Variants in AHCY observed in about 807,000 individuals in gnomAD.
The protein encoded by AHCY is adenosylhomocysteinase, also known as S-adenosyl-L-homocysteine hydrolase.
Under a neutral mutation model 45.4 loss-of-function variants are expected in AHCY, and 24 were observed. The observed-to-expected ratio is 0.53, with a 90% CI of 0.38 to 0.74. AHCY has a LOEUF of 0.74. Ranked by LOEUF, AHCY falls within the 30% of genes least tolerant of loss-of-function variation. AHCY has a pLI of 0.00. For missense variants in AHCY, 449 were observed against 594.1 expected, an observed-to-expected ratio of 0.76 and a Z score of 2.54; for synonymous variants, 245 against 235.1, an observed-to-expected ratio of 1.04 and a Z score of -0.39.
the AHCY span, among the ~76,000 whole-genome samples, chr20:34,239,070 C>A: frequency 6.6e-6 from 1 of 152,164 alleles, no homozygotes; most frequent in African/African-American, 2.4e-5. Context: ...TTTAAGCCCC[C>A]AAAGACACCT....
the AHCY span, among the ~76,000 whole-genome samples, chr20:34,266,700 A>G: frequency 2.0e-5 from 3 of 152,178 alleles, no homozygotes; most frequent in African/African-American, 7.2e-5. Context: ...CAAACAAAAA[A>G]GGCAGATTAT....
the AHCY span, among the ~76,000 whole-genome samples, chr20:34,241,925 A>G: frequency 6.6e-6 from 1 of 152,196 alleles, no homozygotes; most frequent in Non-Finnish European, 1.5e-5. Flanking sequence ...TTCATTTCAT[A>G]TTTATTAGAG....
At position 34,282,106 on chromosome 20, in the gene AHCY, C is replaced by G. The variant is rs1010114739; in HGVS notation, c.1168-941G>C. ...GAGCCTAATCCCCACCGCCTCCCCC[C>G]ACCCCACCGAGTGATTCCTTTCTAA... On this transcript the variant is annotated intron_variant, in intron 9 of 9. Transcript: ENST00000217426. Among the ~76,000 whole-genome samples, 6 of 152,326 alleles carry G rather than the reference C, an allele frequency of 3.9e-5. No homozygotes were observed. In the East Asian group the frequency reaches 5.8e-4, roughly 15 times the overall value.
intron 1 of AHCY, among the ~76,000 whole-genome samples, chr20:34,309,869 G>A (rs1302972036): frequency 3.3e-5 from 5 of 150,976 alleles, no homozygotes; most frequent in African/African-American, 1.2e-4. Flanking sequence ...AAGGAGGGAG[G>A]GAGAAAAGGA....
At chr20:34,244,915 C>T in the AHCY span, among the ~76,000 whole-genome samples, 2 of 152,074 alleles carry the variant, frequency 1.3e-5, no homozygotes, top group South Asian at 2.1e-4. Context: ...AGCAAGGAGA[C>T]GTATTACTGG....
chr20:34,277,754 CAAAAAAAAAAAA>C (rs59920283), downstream of AHCY, among the ~76,000 whole-genome samples: 1 of 39,742 alleles, frequency 2.5e-5, no homozygotes, highest in Non-Finnish European at 5.7e-5. Context: ...GACTCCATCT[CAAAAAAAAAAAA>C]AAAAAAAAAA....
At chr20:34,282,235 A>T (rs948287525) in intron 9 of AHCY, among the ~76,000 whole-genome samples, 4 of 152,088 alleles carry the variant, frequency 2.6e-5, no homozygotes, top group African/African-American at 9.7e-5. Context: ...ACTCTGGGGG[A>T]AGCCAGATGC....
intron 1 of AHCY, 51 bp from the exon 2 acceptor site, chr20:34,295,636 C>T (rs1167393879): frequency 3.1e-6 from 5 of 1,587,810 alleles, no homozygotes; most frequent in Non-Finnish European, 4.3e-6. Context: ...TCCCACCAAC[C>T]AAGAGGGGCG....
chr20:34,282,004 T>C (rs2036020204), intron 9 of AHCY, among the ~76,000 whole-genome samples: 1 of 152,230 alleles, frequency 6.6e-6, no homozygotes, highest in Admixed American at 6.5e-5. Flanking sequence ...GAGAATAAAG[T>C]TCTTTTTTGG....
the AHCY span, among the ~76,000 whole-genome samples, chr20:34,245,278 G>C: frequency 6.8e-6 from 1 of 146,024 alleles, no homozygotes; most frequent in Admixed American, 6.9e-5. Context: ...AGGTGGCAGT[G>C]AGCTGAGATC....
At chr20:34,269,715 C>A in the AHCY span, among the ~76,000 whole-genome samples, 2 of 151,904 alleles carry the variant, frequency 1.3e-5, no homozygotes, top group South Asian at 2.1e-4. Flanking sequence ...GAGGCCGAGG[C>A]GGGCGGATCT....
chr20:34,291,617 C>T (rs1182956233), intron 4 of AHCY, 86 bp from the exon 5 acceptor site: 9 of 1,244,204 alleles, frequency 7.2e-6, no homozygotes, highest in Admixed American at 1.8e-5. Flanking sequence ...AAAGCCATTC[C>T]TCTTTCTGGG....
chr20:34,268,782 AGAC>A, the AHCY span, among the ~76,000 whole-genome samples: 1 of 151,808 alleles, frequency 6.6e-6, no homozygotes, highest in Non-Finnish European at 1.5e-5. Context: ...ACTAGGGAGA[AGAC>A]GACCAGGGCC....
the AHCY span, among the ~76,000 whole-genome samples, chr20:34,239,342 A>G: frequency 1.3e-5 from 2 of 151,686 alleles, no homozygotes; most frequent in African/African-American, 4.8e-5. Flanking sequence ...TCAGCCTCCC[A>G]AGTAGCTGGG....
upstream of AHCY, among the ~76,000 whole-genome samples, chr20:34,306,839 T>G (rs893389061): frequency 1.3e-5 from 2 of 152,236 alleles, no homozygotes; most frequent in African/African-American, 4.8e-5. Context: ...ATTATTTCAT[T>G]TCTATAATAT....
intron 9 of AHCY, among the ~76,000 whole-genome samples, chr20:34,284,575 G>C (rs1305963495): frequency 2.0e-5 from 3 of 152,144 alleles, no homozygotes; most frequent in Admixed American, 2.0e-4. Flanking sequence ...AATGAGGCCA[G>C]GTGCAGTGGC....
At chr20:34,263,394 G>A in the AHCY span, among the ~76,000 whole-genome samples, 5 of 152,016 alleles carry the variant, frequency 3.3e-5, no homozygotes, top group African/African-American at 4.8e-5. Context: ...GTGAAACCCC[G>A]TCTCTACTAA....
the AHCY span, chr20:34,260,395 C>T: frequency 6.2e-7 from 1 of 1,613,916 alleles, no homozygotes. Context: ...CCCGCTTACT[C>T]CTGGCCACCC....
chr20:34,260,249 A>T, the AHCY span: 1 of 1,044,798 alleles, frequency 9.6e-7, no homozygotes, highest in Non-Finnish European at 1.4e-6. Flanking sequence ...CAGCTCCACC[A>T]GGACACTTGC....
Sources: gnomAD v4.1 joint callset for allele counts (sites outside exome capture counted in the v4.1 genomes callset) on GRCh38, gnomAD v4.1.1 for gene constraint, MANE v1.5 for transcripts, NCBI Gene and HGNC (gene_info 2026-07-23, HGNC 2026-07-21) for gene names.